The following ADCY2 variants were observed in gnomAD, a reference collection of about 807,000 sequenced individuals.
The protein encoded by ADCY2 is adenylate cyclase type 2.
In ADCY2, 31 loss-of-function variants were observed where a neutral mutation model predicts 125.2. That is an observed-to-expected ratio of 0.25 (90% CI 0.19 to 0.33). The LOEUF (loss-of-function observed/expected upper bound fraction) is 0.33. Ranked by LOEUF, ADCY2 falls within the 10% of genes least tolerant of loss-of-function variation. The pLI is 1.00. For synonymous variants in ADCY2, 512 were observed against 548.4 expected, an observed-to-expected ratio of 0.93 and a Z score of 0.93; for missense variants, 904 against 1,418.2, an observed-to-expected ratio of 0.64 and a Z score of 5.82.
intron 3 of ADCY2, among the ~76,000 whole-genome samples, chr5:7,554,786 A>G (rs1377293878): frequency 6.6e-6 from 1 of 152,210 alleles, no homozygotes; most frequent in Non-Finnish European, 1.5e-5. Flanking sequence ...CATAGGATCT[A>G]GGAACCTTCT....
chr5:7,823,353 T>G (rs1202035802), intron 24 of ADCY2, among the ~76,000 whole-genome samples: 1 of 152,184 alleles, frequency 6.6e-6, no homozygotes, highest in Non-Finnish European at 1.5e-5. Flanking sequence ...TCCAGCTGCC[T>G]CCCCTCTCAT....
At chr5:7,784,667 A>G (rs1466119720) in intron 19 of ADCY2, among the ~76,000 whole-genome samples, 2 of 152,150 alleles carry the variant, frequency 1.3e-5, no homozygotes, top group Non-Finnish European at 2.9e-5. Context: ...GGCAAATGTT[A>G]TGAATGGCCA....
intron 3 of ADCY2, among the ~76,000 whole-genome samples, chr5:7,625,245 C>A (rs140305618): frequency 6.6e-6 from 1 of 152,226 alleles, no homozygotes; most frequent in African/African-American, 2.4e-5. Context: ...TGAATATTAT[C>A]TAAGAATTTA....
chr5:7,667,103 G>A (rs1021724875), intron 4 of ADCY2, among the ~76,000 whole-genome samples: 3 of 152,188 alleles, frequency 2.0e-5, no homozygotes, highest in African/African-American at 7.2e-5. Flanking sequence ...GTAAATAAAA[G>A]AGCATTCAGA....
At chr5:7,736,475 T>C (rs1742255778) in intron 14 of ADCY2, among the ~76,000 whole-genome samples, 1 of 152,188 alleles carries the variant, frequency 6.6e-6, no homozygotes, top group Admixed American at 6.5e-5. Flanking sequence ...GTCAGCTCTA[T>C]TAGTAACACT....
chr5:7,567,929 TTC>T (rs10590625), intron 3 of ADCY2, among the ~76,000 whole-genome samples: 101,894 of 146,362 alleles, frequency 0.7, 36,813 homozygotes, highest in East Asian at 0.92. Flanking sequence ...CGTCCTCTCT[TTC>T]TCTCTCTCTC....
chr5:7,431,520 G>C (rs1740600468), intron 2 of ADCY2, among the ~76,000 whole-genome samples: 1 of 71,598 alleles, frequency 1.4e-5, no homozygotes, highest in Admixed American at 1.2e-4. Flanking sequence ...ACAAAAAGGT[G>C]GGAACTATTA....
rs935456281 is a variant in ADCY2, at chr5:7,820,509, TAA to T, written c.2999-52_2999-51del. The stretch of plus-strand genomic sequence containing the variant: ...ACCCCATCTCAAAAAATAAAAAAAA[TAA>T]AAAGACAATGGTTATAAGATGAATC... On this transcript the variant is annotated intron_variant, in intron 23 of 24. Coordinates refer to ENST00000338316, the MANE Select transcript of ADCY2 (RefSeq NM_020546.3). 18 of 1,597,076 alleles carry T rather than the reference TAA, an allele frequency of 1.1e-5. No homozygotes were observed. The African/African-American group carries it at 2.4e-4, about 22-fold the overall frequency.
rs1744612122 is a variant in ADCY2 at position 7,802,007 on chromosome 5, A to G, written c.2629-211A>G. Reference sequence around the variant, plus strand: ...TTAACTGGCAAGGCACCTCTTCTTAACTGGTAGTGGCCTGAATCCAGCTCA... The same window carrying G: ...TTAACTGGCAAGGCACCTCTTCTTAGCTGGTAGTGGCCTGAATCCAGCTCA... On this transcript the variant is annotated intron_variant, in intron 20 of 24. Coordinates refer to ENST00000338316, the MANE Select transcript of ADCY2 (RefSeq NM_020546.3). The surrounding 1 kb of genome is among the most constrained non-coding windows in gnomAD (Gnocchi z 4.6). The G allele has an allele frequency of 5.8e-6, 3 of 521,608 alleles. No homozygotes were observed. Among genetic ancestry groups the G allele is most frequent in the African/African-American group, 3.8e-5 (2 of 52,498 alleles). 32.3% of individuals were successfully genotyped at this position (521,608 alleles called of 1,614,324 possible).
chr5:7,792,444 G>A (rs1287088694), intron 20 of ADCY2, among the ~76,000 whole-genome samples: 1 of 152,036 alleles, frequency 6.6e-6, no homozygotes, highest in East Asian at 1.9e-4. Flanking sequence ...TGATAGGAGG[G>A]TCCCTTCCTA....
At chr5:7,471,738 T>C (rs1414865963) in intron 2 of ADCY2, among the ~76,000 whole-genome samples, 4 of 152,060 alleles carry the variant, frequency 2.6e-5, no homozygotes, top group African/African-American at 9.7e-5. Context: ...ATAAGTTCTA[T>C]ATGTTTTGCT....
At chr5:7,607,670 G>T (rs1737425770) in intron 3 of ADCY2, among the ~76,000 whole-genome samples, 1 of 152,146 alleles carries the variant, frequency 6.6e-6, no homozygotes, top group South Asian at 2.1e-4. Context: ...ACAAGTCTTT[G>T]TTTCCCTAAC....
At position 7,813,498 on chromosome 5, in the gene ADCY2, C is replaced by T. The variant is rs76156423; in HGVS notation, c.2884-3368C>T. On this transcript the variant is annotated intron_variant, in intron 22 of 24. Transcript: ENST00000338316. ...TGTTTCAGAGAACTGAGCGAGTAGT[C>T]TCTGTGTAGCTGGAAGCCCGTTAAA... is the stretch of plus-strand genomic sequence containing the variant. Among the ~76,000 whole-genome samples, 367 of 152,308 alleles carry T rather than the reference C, an allele frequency of 2.4e-3. 1 individual carries two copies. The highest frequency in any genetic ancestry group is 4.1e-3 in the South Asian group (20 of 4,832).
At chr5:7,690,663 T>A (rs769420650) in intron 4 of ADCY2, 28 bp from the exon 5 acceptor site, 5 of 1,515,636 alleles carry the variant, frequency 3.3e-6, no homozygotes, top group Non-Finnish European at 4.4e-6. Context: ...CTGAGAGACA[T>A]TTGTTCCTCC....
At chr5:7,622,980 C>G (rs1169924921) in intron 3 of ADCY2, among the ~76,000 whole-genome samples, 1 of 152,160 alleles carries the variant, frequency 6.6e-6, no homozygotes, top group Non-Finnish European at 1.5e-5. Context: ...CAACAAGGCC[C>G]TCTGAGCCAA....
chr5:7,501,241 C>T (rs933764839), intron 2 of ADCY2, among the ~76,000 whole-genome samples: 1 of 151,818 alleles, frequency 6.6e-6, no homozygotes, highest in African/African-American at 2.4e-5. Context: ...CCATATGAAG[C>T]AAGAGGAATA....
intron 2 of ADCY2, among the ~76,000 whole-genome samples, chr5:7,465,379 A>T (rs897620126): frequency 1.3e-5 from 2 of 152,156 alleles, no homozygotes; most frequent in African/African-American, 4.8e-5. Flanking sequence ...ATTAAAGCAG[A>T]GTCAGTATCC....
At chr5:7,600,833 A>C (rs886714801) in intron 3 of ADCY2, among the ~76,000 whole-genome samples, 1 of 152,160 alleles carries the variant, frequency 6.6e-6, no homozygotes, top group Non-Finnish European at 1.5e-5. Flanking sequence ...GAGCTAGGTC[A>C]CTGTGAAGTT....
intron 4 of ADCY2, among the ~76,000 whole-genome samples, chr5:7,647,960 G>A (rs1738957617): frequency 6.6e-6 from 1 of 152,188 alleles, no homozygotes; most frequent in African/African-American, 2.4e-5. Context: ...GGAGCCTGGG[G>A]AAAAGGCGCA....
Sources: gnomAD v4.1 joint callset for allele counts (sites outside exome capture counted in the v4.1 genomes callset) on GRCh38, gnomAD v4.1.1 for gene constraint, Gnocchi (gnomAD v3.1) non-coding constraint, MANE v1.5 for transcripts, NCBI Gene and HGNC (gene_info 2026-07-23, HGNC 2026-07-21) for gene names.